NF1: variants seen among roughly 807,000 people sequenced by gnomAD.
The protein encoded by NF1 is neurofibromin 1.
A neutral mutation model predicts 325.7 loss-of-function variants in NF1; 122 were observed. The observed-to-expected ratio is 0.37, with a 90% CI of 0.32 to 0.44. The LOEUF (loss-of-function observed/expected upper bound fraction) is 0.44, where lower values mean the gene tolerates loss of function less well. Among genes scored for constraint, NF1 ranks in the 20% least tolerant of loss-of-function variants. The pLI, the probability that NF1 is intolerant of heterozygous loss-of-function variation, is 1.00. For missense variants in NF1, 2,140 were observed against 3,415.4 expected (o/e 0.63, Z 9.31); for synonymous variants, 1,091 against 1,186.0 (o/e 0.92, Z 1.65).
chr17:31,238,394 C>T (rs1038434446), intron 29 of NF1, among the ~76,000 whole-genome samples: 11 of 152,114 alleles, frequency 7.2e-5, no homozygotes. Flanking sequence ...AGAAGTTAGC[C>T]ACCTCCAGCC....
At chr17:31,317,745 T>TA (rs2069062690) in intron 36 of NF1, 1 of 152,230 alleles carries the variant, frequency 6.6e-6, no homozygotes, top group Non-Finnish European at 1.5e-5. Flanking sequence ...AACACTTTCT[T>TA]ACGTGTGCCA....
intron 36 of NF1, among the ~76,000 whole-genome samples, chr17:31,289,821 T>G (rs929591403): frequency 6.6e-6 from 1 of 152,174 alleles, no homozygotes; most frequent in African/African-American, 2.4e-5. Context: ...TATCTTACTT[T>G]TTTAAAAATT....
intron 30 of NF1, chr17:31,249,904 G>A (rs1466001859): frequency 1.9e-5 from 9 of 480,774 alleles, no homozygotes; most frequent in Non-Finnish European, 3.7e-5. Context: ...GTGGATATAA[G>A]GGAAATACAC....
At chr17:31,297,742 C>T (rs981607420) in intron 36 of NF1, among the ~76,000 whole-genome samples, 1 of 151,968 alleles carries the variant, frequency 6.6e-6, no homozygotes, top group South Asian at 2.1e-4. Flanking sequence ...ACTTTTATGT[C>T]TTCCCCCAAC....
chr17:31,248,830 T>TC (rs1430990666), intron 29 of NF1, among the ~76,000 whole-genome samples, 154 bp from the exon 30 acceptor site: 5 of 152,032 alleles, frequency 3.3e-5, no homozygotes, highest in Admixed American at 3.3e-4. Flanking sequence ...GTCAAAGTTG[T>TC]CTTTTTTTTT....
intron 31 of NF1, chr17:31,254,193 G>A (rs147640667): frequency 0.022 from 3,107 of 144,410 alleles, 60 homozygotes; most frequent in Non-Finnish European, 0.028. Flanking sequence ...GATTGCTTGA[G>A]CCCAGGTGGT....
chr17:31,233,275 T>C, intron 27 of NF1, 62 bp downstream of exon 27: 5 of 1,376,226 alleles, frequency 3.6e-6, no homozygotes, highest in Non-Finnish European at 5.2e-6. Context: ...CTTCAGAATA[T>C]ATTTGTTCAA....
intron 36 of NF1, chr17:31,304,857 G>A (rs1297822784): frequency 1.2e-6 from 2 of 1,613,932 alleles, no homozygotes; most frequent in Non-Finnish European, 1.7e-6. Context: ...CCATACAAAT[G>A]TCAGGGGTTT....
chr17:31,227,152 T>C, intron 18 of NF1, 66 bp from the exon 19 acceptor site: 1 of 1,522,900 alleles, frequency 6.6e-7, no homozygotes. Context: ...GTGGAGCTTA[T>C]CAGGTTCTCC....
At chr17:31,279,017 T>C (rs2068068031) in intron 36 of NF1, among the ~76,000 whole-genome samples, 2 of 152,094 alleles carry the variant, frequency 1.3e-5, no homozygotes, top group African/African-American at 4.8e-5. Context: ...GGCAAGAGGA[T>C]CACTTGAAGC....
chr17:31,227,259 C>T lies in NF1; in HGVS notation c.2293C>T (p.Arg765Cys), dbSNP rs1383770460. 1.2e-6 allele frequency: 2 copies of T among 1,613,668 alleles called. No homozygotes were observed. Among genetic ancestry groups the T allele is most frequent in the Non-Finnish European group, 1.7e-6 (2 of 1,179,694 alleles). Residue 765 changes from arginine to cysteine, a missense_variant, in exon 19 of 58, where the codon CGC becomes TGC. By Grantham distance (180) the Arg-to-Cys change is radical. This residue lies in a region of NF1 where 380 missense variants were observed against 639.3 expected (regional missense o/e 0.59). Coordinates refer to ENST00000358273, the MANE Select transcript of NF1 (RefSeq NM_001042492.3). ...LQKRVMALLR[R>C]IEHPTAGNTE... ...GAAAAGAGTGATGGCACTGCTGAGG[C>T]GCATTGAGCATCCCACTGCAGGAAA...
chr17:31,368,248 T>C (rs2070569136), intron 57 of NF1, among the ~76,000 whole-genome samples: 1 of 152,190 alleles, frequency 6.6e-6, no homozygotes, highest in Admixed American at 6.5e-5. Context: ...GCGATTCTCC[T>C]GCCTCAGCCT....
chr17:31,123,625 T>G (rs1914622941), intron 1 of NF1, among the ~76,000 whole-genome samples: 1 of 152,154 alleles, frequency 6.6e-6, no homozygotes, highest in Non-Finnish European at 1.5e-5. Context: ...ATAATTAATT[T>G]TTGCAAGTGA....
intron 1 of NF1, among the ~76,000 whole-genome samples, chr17:31,125,198 T>C (rs1190388283): frequency 6.6e-6 from 1 of 152,144 alleles, no homozygotes. Flanking sequence ...AATGGAATAA[T>C]ACTGTAAGTA....
Position 31,327,500 on chromosome 17 carries a change from T to C in NF1, c.5270T>C (p.Val1757Ala), listed in dbSNP as rs1021835871. ...AHKDTKVSIK[V>A]GSTAVQVTSA... Reference sequence around the variant, plus strand: ...CACCCCGTCACCACCACTTTCCAGGTTGGTTCTACTGCTGTCCAAGTAACT... The same window carrying C: ...CACCCCGTCACCACCACTTTCCAGGCTGGTTCTACTGCTGTCCAAGTAACT... Residue 1757 changes from valine to alanine, a missense_variant and splice_region_variant, in exon 38 of 58, where the codon GTT becomes GCT. Transcript: ENST00000358273. 6 of 1,612,426 alleles carry C rather than the reference T, an allele frequency of 3.7e-6. No individual in the cohort carries two copies. The highest frequency in any genetic ancestry group is 1.3e-5 in the African/African-American group (1 of 74,908).
At chr17:31,183,807 C>T (rs1241668671) in intron 8 of NF1, among the ~76,000 whole-genome samples, 2 of 152,284 alleles carry the variant, frequency 1.3e-5, no homozygotes, top group Non-Finnish European at 2.9e-5. Context: ...CGGGCCTAGC[C>T]TCCCAGCCTA....
intron 36 of NF1, among the ~76,000 whole-genome samples, chr17:31,278,538 TC>T (rs2068057376): frequency 7.5e-6 from 1 of 133,010 alleles, no homozygotes; most frequent in East Asian, 2.3e-4. Flanking sequence ...TTTTAGAAAA[TC>T]CTATTAAGTT....
chr17:31,096,539 G>T (rs1338721291), intron 1 of NF1, among the ~76,000 whole-genome samples: 1 of 152,176 alleles, frequency 6.6e-6, no homozygotes, highest in African/African-American at 2.4e-5. Context: ...GCTTTCTGCA[G>T]CTGTGGGTGC....
chr17:31,222,959 CAT>C (rs1332985721), intron 15 of NF1, among the ~76,000 whole-genome samples: 1 of 152,148 alleles, frequency 6.6e-6, no homozygotes, highest in Non-Finnish European at 1.5e-5. Context: ...CTGTCATAAC[CAT>C]TCAGTTCTGC....
Sources: gnomAD v4.1 joint callset for allele counts (sites outside exome capture counted in the v4.1 genomes callset) on GRCh38, gnomAD v4.1.1 for gene constraint, gnomAD v4.1.1 regional missense constraint, MANE v1.5 for transcripts, NCBI Gene and HGNC (gene_info 2026-07-23, HGNC 2026-07-21) for gene names.